CEMIP2: variants seen among roughly 807,000 people sequenced by gnomAD.
CEMIP2 encodes cell surface hyaluronidase CEMIP2.
A neutral mutation model predicts 146.9 loss-of-function variants in CEMIP2; 79 were observed. The observed-to-expected ratio is 0.54, with a 90% CI of 0.45 to 0.65. The LOEUF (loss-of-function observed/expected upper bound fraction) is 0.65, where lower values mean the gene tolerates loss of function less well. Among genes scored for constraint, CEMIP2 ranks in the 30% least tolerant of loss-of-function variants. The probability of loss-of-function intolerance (pLI) is 0.00; values close to 1 mark genes in which losing one functional copy is unlikely to be tolerated. For synonymous variants in CEMIP2, 601 were observed against 606.3 expected (o/e 0.99, Z 0.13); for missense variants, 1,596 against 1,696.2 (o/e 0.94, Z 1.04).
At chr9:71,706,640 C>G (rs975281627) in intron 17 of CEMIP2, among the ~76,000 whole-genome samples, 1 of 151,998 alleles carries the variant, frequency 6.6e-6, no homozygotes, top group Non-Finnish European at 1.5e-5. Flanking sequence ...TATAAAAGAG[C>G]TACCATAACC....
Position 71,729,574 on chromosome 9 carries a change from C to T in CEMIP2, c.2049+271G>A, listed in dbSNP as rs1181316276. Among the ~76,000 whole-genome samples, 8 of 150,918 alleles carry T rather than the reference C, an allele frequency of 5.3e-5. No individual in the cohort carries two copies. The South Asian group carries it at 1.5e-3, about 28-fold the overall frequency. ...GTGGAGCTTGCAGTGACCAAGATCG[C>T]GCCACTGCACTCCAGCCTGGGCAAC... On this transcript the variant is annotated intron_variant, in intron 10 of 23. Transcript: ENST00000377044.
At chr9:71,755,539 C>A (rs1038195409) in intron 1 of CEMIP2, among the ~76,000 whole-genome samples, 5 of 151,540 alleles carry the variant, frequency 3.3e-5, no homozygotes, top group Middle Eastern at 3.5e-3. Flanking sequence ...CAGAGTAAGA[C>A]TCTCTAAAAA....
intron 21 of CEMIP2, among the ~76,000 whole-genome samples, chr9:71,690,971 T>C (rs1822209533): frequency 6.6e-6 from 1 of 152,196 alleles, no homozygotes; most frequent in East Asian, 1.9e-4. Context: ...TAAGCACTAA[T>C]TAAACCCATA....
chr9:71,701,501 A>G (rs1205638472), intron 18 of CEMIP2, among the ~76,000 whole-genome samples: 1 of 152,188 alleles, frequency 6.6e-6, no homozygotes, highest in Non-Finnish European at 1.5e-5. Context: ...ATTAAGTGAG[A>G]TGGTTGGGTA....
intron 20 of CEMIP2, among the ~76,000 whole-genome samples, chr9:71,694,909 T>C (rs1401467323): frequency 7.9e-5 from 12 of 152,250 alleles, no homozygotes. Context: ...AAACATTTTA[T>C]GGAAAAACAG....
chr9:71,713,377 T>C (rs956000441), intron 15 of CEMIP2, among the ~76,000 whole-genome samples: 3 of 152,194 alleles, frequency 2.0e-5, no homozygotes, highest in Non-Finnish European at 4.4e-5. Context: ...CCTTCTGTCA[T>C]GATTGTGAGG....
intron 15 of CEMIP2, among the ~76,000 whole-genome samples, chr9:71,714,322 C>T (rs1822988337): frequency 6.6e-6 from 1 of 152,084 alleles, no homozygotes; most frequent in Non-Finnish European, 1.5e-5. Flanking sequence ...TTAATAGTTT[C>T]CTTAAAGCTT....
chr9:71,763,156 C>A (rs903675668), intron 1 of CEMIP2, among the ~76,000 whole-genome samples: 1 of 151,502 alleles, frequency 6.6e-6, no homozygotes, highest in Non-Finnish European at 1.5e-5. Context: ...AAATCTTTCC[C>A]ATTCCTAAAA....
intron 11 of CEMIP2, among the ~76,000 whole-genome samples, chr9:71,724,694 C>T (rs1427218048): frequency 6.6e-6 from 1 of 152,176 alleles, no homozygotes; most frequent in African/African-American, 2.4e-5. Context: ...AAAATGGAAA[C>T]TCCTAATGGC....
intron 1 of CEMIP2, among the ~76,000 whole-genome samples, chr9:71,757,425 G>A (rs576838094): frequency 5.9e-5 from 9 of 152,146 alleles, no homozygotes; most frequent in South Asian, 2.1e-4. Flanking sequence ...TTTTGCTTTC[G>A]GAGAGTTTCA....
intron 19 of CEMIP2, 75 bp from the exon 20 acceptor site, chr9:71,698,279 T>C (rs1822459312): frequency 1.6e-6 from 2 of 1,251,652 alleles, no homozygotes; most frequent in African/African-American, 3.0e-5. Flanking sequence ...AATCAGCTCA[T>C]GGCCAAAAGG....
chr9:71,725,681 T>C lies in CEMIP2; in HGVS notation c.2078A>G (p.Lys693Arg). The C allele has an allele frequency of 6.2e-7, 1 of 1,613,962 alleles. No homozygotes were observed. Among genetic ancestry groups the C allele is most frequent in the East Asian group, 2.2e-5 (1 of 44,868 alleles). The change falls in exon 11 of 24, where the codon AAG (lysine) becomes AGG (arginine). Residue 693 changes from lysine to arginine, a missense_variant. Lys to Arg is a conservative substitution (Grantham distance 26). Transcript: ENST00000377044. Reference sequence around the variant, plus strand: ...TCCACTGGATTCCCCAGTTGGTTCCTTGTGGAATAAATACCATATTCCAGC... The same window carrying C: ...TCCACTGGATTCCCCAGTTGGTTCCCTGTGGAATAAATACCATATTCCAGC... Reference protein sequence around the residue: ...QDAGIWYLFHKEPTGESSGLQ... With the variant: ...QDAGIWYLFHREPTGESSGLQ...
chr9:71,756,121 A>G (rs1824434150), intron 1 of CEMIP2, among the ~76,000 whole-genome samples: 1 of 151,122 alleles, frequency 6.6e-6, no homozygotes, highest in Non-Finnish European at 1.5e-5. Flanking sequence ...CATACAACAT[A>G]CAGTAGATAC....
Position 71,690,319 on chromosome 9 carries a change from C to A in CEMIP2, c.3697-73G>T, listed in dbSNP as rs570412352. ...TCTGCAGGATGACTCATTTTTCCGG[C>A]CCTTTCCCTGTGTCTTCTAAACCCA... is the stretch of plus-strand genomic sequence containing the variant. On this transcript the variant is annotated intron_variant, in intron 21 of 23. Transcript: ENST00000377044. 5 of 1,540,952 alleles carry A rather than the reference C, an allele frequency of 3.2e-6. 1 individual carries two copies. The East Asian group carries it at 1.2e-4, about 36-fold the overall frequency.
At chr9:71,762,500 C>T (rs1383773197) in intron 1 of CEMIP2, among the ~76,000 whole-genome samples, 1 of 26,818 alleles carries the variant, frequency 3.7e-5, no homozygotes, top group African/African-American at 9.1e-5. Context: ...CCAGCCCCGT[C>T]ACCAAAAAAA....
chr9:71,705,543 T>C (rs998833942), intron 17 of CEMIP2, among the ~76,000 whole-genome samples: 3 of 152,278 alleles, frequency 2.0e-5, no homozygotes, highest in African/African-American at 4.8e-5. Context: ...ACAATACTTC[T>C]GTATTTTTCC....
intron 1 of CEMIP2, among the ~76,000 whole-genome samples, chr9:71,760,141 T>C (rs757642927): frequency 7.2e-5 from 11 of 152,100 alleles, no homozygotes; most frequent in Non-Finnish European, 1.5e-4. Flanking sequence ...AGAAAACTAC[T>C]AAAAAACTAT....
chr9:71,719,748 C>T (rs1207037405), intron 12 of CEMIP2, among the ~76,000 whole-genome samples: 1 of 146,508 alleles, frequency 6.8e-6, no homozygotes, highest in African/African-American at 2.5e-5. Flanking sequence ...TACTCTCTGG[C>T]ATTGTAGTTC....
At chr9:71,760,278 CCA>C (rs772975053) in intron 1 of CEMIP2, among the ~76,000 whole-genome samples, 6 of 152,176 alleles carry the variant, frequency 3.9e-5, no homozygotes, top group Non-Finnish European at 7.3e-5. Context: ...AGCAACTTAG[CCA>C]CAGTTTCACT....
Sources: gnomAD v4.1 joint callset for allele counts (sites outside exome capture counted in the v4.1 genomes callset) on GRCh38, gnomAD v4.1.1 for gene constraint, MANE v1.5 for transcripts, NCBI Gene and HGNC (gene_info 2026-07-23, HGNC 2026-07-21) for gene names.